Variants in PLCG1 observed in about 807,000 individuals in gnomAD.
The protein encoded by PLCG1 is phospholipase C gamma 1.
PLCG1 carries 71 observed loss-of-function variants against 177.8 expected under a neutral mutation model. That is an observed-to-expected ratio of 0.40 (90% CI 0.33 to 0.49). The LOEUF is 0.49. Ranked by LOEUF, PLCG1 falls within the 20% of genes least tolerant of loss-of-function variation. The probability of loss-of-function intolerance (pLI) is 0.72; values close to 1 mark genes in which losing one functional copy is unlikely to be tolerated. For synonymous variants in PLCG1, 658 were observed against 647.9 expected, an observed-to-expected ratio of 1.02 and a Z score of -0.24; for missense variants, 1,281 against 1,709.0, an observed-to-expected ratio of 0.75 and a Z score of 4.42.
chr20:41,149,033 C>T (rs1239679243), intron 1 of PLCG1, among the ~76,000 whole-genome samples: 1 of 152,160 alleles, frequency 6.6e-6, no homozygotes, highest in Non-Finnish European at 1.5e-5. Flanking sequence ...CAGTTTTTAT[C>T]GTTGTAAGGC....
At position 41,141,815 on chromosome 20, in the gene PLCG1, A is replaced by T. The variant is rs572309130; in HGVS notation, c.217+3957A>T. ...AGGAAAAGGGCCTGCTTCACAGATA[A>T]CTGGAGGAGCTGAGCACACCCAGTC... On this transcript the variant is annotated intron_variant, in intron 1 of 31. Coordinates refer to ENST00000685551, the MANE Select transcript of PLCG1 (RefSeq NM_002660.3). 3.3e-5 allele frequency among the ~76,000 whole-genome samples: 5 copies of T among 152,254 alleles called. No homozygotes were observed. The East Asian group carries it at 9.7e-4, about 29-fold the overall frequency.
At chr20:41,155,037 G>A (rs2035276865) in intron 1 of PLCG1, among the ~76,000 whole-genome samples, 1 of 152,240 alleles carries the variant, frequency 6.6e-6, no homozygotes, top group South Asian at 2.1e-4. Flanking sequence ...AATCTCTGTG[G>A]TCTCAGGCCA....
intron 1 of PLCG1, among the ~76,000 whole-genome samples, chr20:41,139,943 G>A (rs781460775): frequency 6.6e-6 from 1 of 152,194 alleles, no homozygotes; most frequent in Non-Finnish European, 1.5e-5. Flanking sequence ...GAAAGTGTTT[G>A]CAGTTGTGCA....
Position 41,172,900 on chromosome 20 carries a change from T to C in PLCG1, c.3279+23T>C. ...GAGGTGGGTGCTGCTCATCTGGGCT[T>C]CAGGGTAGGAAAGGGGCTGCTTGCC... On this transcript the variant is annotated intron_variant, in intron 27 of 31. Transcript: ENST00000685551. This position sits in a 1 kb window ranked among gnomAD's most constrained non-coding sequence, Gnocchi z 7.0. The C allele has an allele frequency of 1.2e-6, 2 of 1,610,150 alleles. No individual in the cohort carries two copies. Among genetic ancestry groups the C allele is most frequent in the Non-Finnish European group, 1.7e-6 (2 of 1,177,378 alleles).
At chr20:41,140,095 C>T (rs1300256928) in intron 1 of PLCG1, among the ~76,000 whole-genome samples, 1 of 152,170 alleles carries the variant, frequency 6.6e-6, no homozygotes, top group East Asian at 1.9e-4. Flanking sequence ...TAACCCCCTA[C>T]CCAGGGGTGA....
chr20:41,137,967 G>A lies in PLCG1; in HGVS notation c.217+109G>A. ...GCCCCAGCGACTTGGGCAAACTTTCGGGCCCTCCCAGACTCCCTCCGGGCC... is the reference window on the plus strand; with the variant it reads ...GCCCCAGCGACTTGGGCAAACTTTCAGGCCCTCCCAGACTCCCTCCGGGCC... On this transcript the variant is annotated intron_variant, in intron 1 of 31. Transcript: ENST00000685551. The surrounding 1 kb of genome is among the most constrained non-coding windows in gnomAD (Gnocchi z 7.3). 1 of 762,854 alleles carries A rather than the reference G, an allele frequency of 1.3e-6. No homozygotes were observed. Among genetic ancestry groups the A allele is most frequent in the South Asian group, 6.9e-5 (1 of 14,534 alleles). 47.3% of individuals were successfully genotyped at this position (762,854 alleles called of 1,614,324 possible). A position where few individuals can be genotyped will look rare whatever the true frequency, so the allele number is the denominator to read the frequency against.
intron 21 of PLCG1, 55 bp from the exon 22 acceptor site, chr20:41,169,024 T>A: frequency 7.1e-7 from 1 of 1,403,498 alleles, no homozygotes; most frequent in East Asian, 2.3e-5. Context: ...AAGGATACCC[T>A]CCTCATGGGA....
At chr20:41,138,269 C>A (rs1460101841) in intron 1 of PLCG1, among the ~76,000 whole-genome samples, 1 of 151,774 alleles carries the variant, frequency 6.6e-6, no homozygotes, top group Non-Finnish European at 1.5e-5. Flanking sequence ...CACTCTTTAT[C>A]CAGAAAGAGC....
chr20:41,172,500 C>T lies in PLCG1; in HGVS notation c.2985C>T (p.Ala995=). The T allele has an allele frequency of 1.2e-6, 2 of 1,614,014 alleles. No individual in the cohort carries two copies. Among genetic ancestry groups the T allele is most frequent in the South Asian group, 2.2e-5 (2 of 91,070 alleles). Residue 995 remains alanine (A), a synonymous_variant, in exon 26 of 32, where the codon GCC becomes GCT. Coordinates refer to ENST00000685551, the MANE Select transcript of PLCG1 (RefSeq NM_002660.3). This position sits in a 1 kb window ranked among gnomAD's most constrained non-coding sequence, Gnocchi z 7.0. ...AGGCTGAGAAATACGTGAACAAGGC[C>T]AAAGGCAAGAAGTTCCTTCAGTACA... is the stretch of plus-strand genomic sequence containing the variant. ...ETKAEKYVNK[A]KGKKFLQYNR...
intron 24 of PLCG1, chr20:41,170,588 A>T: frequency 3.6e-6 from 1 of 279,386 alleles, no homozygotes; most frequent in Non-Finnish European, 6.8e-6. Context: ...GGGCTGAGGC[A>T]TAGAAGGGAT....
Position 41,172,472 on chromosome 20 carries a change from C to A in PLCG1, c.2957C>A (p.Thr986Asn). 6.2e-7 allele frequency: 1 copy of A among 1,614,230 alleles called. No homozygotes were observed. The highest frequency in any genetic ancestry group is 1.1e-5 in the South Asian group (1 of 91,088). The change falls in exon 26 of 32, where the codon ACC becomes AAC. Residue 986 changes from threonine (T) to asparagine (N), a missense_variant. By Grantham distance (65) the Thr-to-Asn change is moderately conservative (BLOSUM62 0). This residue lies in a region of PLCG1 where 723 missense variants were observed against 1,030.0 expected (regional missense o/e 0.70). Coordinates refer to ENST00000685551, the MANE Select transcript of PLCG1 (RefSeq NM_002660.3). This position sits in a 1 kb window ranked among gnomAD's most constrained non-coding sequence, Gnocchi z 7.0. ...CGGGACATGTCATCCTTCCCGGAAA[C>A]CAAGGCTGAGAAATACGTGAACAAG... ...CYRDMSSFPE[T>N]KAEKYVNKAK...
chr20:41,137,655 C>A lies in PLCG1; in HGVS notation c.14C>A (p.Ala5Glu). MAGAASPCANGCGPG... is the reference protein window; with the variant it reads MAGAESPCANGCGPG... ...AGCGTCGGAGCCATGGCGGGCGCCG[C>A]GTCCCCTTGCGCCAACGGCTGCGGG... Residue 5 changes from alanine (A) to glutamate (E), a missense_variant, in exon 1 of 32, where the codon GCG becomes GAG. This residue lies in a region of PLCG1 where 374 missense variants were observed against 443.8 expected (regional missense o/e 0.84). Coordinates refer to ENST00000685551, the MANE Select transcript of PLCG1 (RefSeq NM_002660.3). This position sits in a 1 kb window ranked among gnomAD's most constrained non-coding sequence, Gnocchi z 7.3. The A allele has an allele frequency of 2.3e-6, 3 of 1,319,670 alleles. No individual in the cohort carries two copies. The highest frequency in any genetic ancestry group is 2.9e-6 in the Non-Finnish European group (3 of 1,034,748). 81.7% of individuals were successfully genotyped at this position (1,319,670 alleles called of 1,614,324 possible). A position where few individuals can be genotyped will look rare whatever the true frequency, so the allele number is the denominator to read the frequency against.
At position 41,164,862 on chromosome 20, in the gene PLCG1, C is replaced by T; in HGVS notation, c.1218-71C>T. ...CCCAGGCCCTTGGCTTCCAACAGCT[C>T]ACTGTGAGGGGCTACTTAGACCCAG... is the stretch of plus-strand genomic sequence containing the variant. On this transcript the variant is annotated intron_variant, in intron 12 of 31. Coordinates refer to ENST00000685551, the MANE Select transcript of PLCG1 (RefSeq NM_002660.3). The surrounding 1 kb of genome is among the most constrained non-coding windows in gnomAD (Gnocchi z 6.4). 6.8e-7 allele frequency: 1 copy of T among 1,477,364 alleles called. No individual in the cohort carries two copies. Among genetic ancestry groups the T allele is most frequent in the Non-Finnish European group, 9.3e-7 (1 of 1,079,584 alleles). 91.5% of individuals were successfully genotyped at this position (1,477,364 alleles called of 1,614,324 possible). A position where few individuals can be genotyped will look rare whatever the true frequency, so the allele number is the denominator to read the frequency against.
chr20:41,168,222 G>C (rs2035768606), intron 20 of PLCG1, among the ~76,000 whole-genome samples: 1 of 152,170 alleles, frequency 6.6e-6, no homozygotes, highest in Admixed American at 6.5e-5. Flanking sequence ...GAGGCACACT[G>C]GCCACTCATT....
chr20:41,174,476 A>G lies in PLCG1; in HGVS notation c.3843A>G (p.Arg1281=), dbSNP rs1336603588. 1 of 1,588,322 alleles carries G rather than the reference A, an allele frequency of 6.3e-7. No homozygotes were observed. The highest frequency in any genetic ancestry group is 2.3e-5 in the East Asian group (1 of 43,946). The stretch of plus-strand genomic sequence containing the variant: ...CTTCCCTTCTGTCCAGGGCCCCAAG[A>G]AGGACTCGGGTCAATGGAGACAACC... ...HFDSRERRAP[R]RTRVNGDNRL is the part of the protein sequence containing the mutation. Residue 1281 remains arginine (R), a synonymous_variant, in exon 32 of 32, where the codon AGA becomes AGG. Coordinates refer to ENST00000685551, the MANE Select transcript of PLCG1 (RefSeq NM_002660.3). This position sits in a 1 kb window ranked among gnomAD's most constrained non-coding sequence, Gnocchi z 5.8.
chr20:41,170,218 G>T lies in PLCG1; in HGVS notation c.2757G>T (p.Leu919=), dbSNP rs1364941039. ...TTGCTGCCGACTCACAGGAGGAGCT[G>T]CAGGACTGGGTGAAAAAGATCCGTG... ...LDVAADSQEE[L]QDWVKKIREV... Residue 919 remains leucine (L), a synonymous_variant, in exon 24 of 32, where the codon CTG becomes CTT. Transcript: ENST00000685551. 6.2e-7 allele frequency: 1 copy of T among 1,614,164 alleles called. No individual in the cohort carries two copies. Among genetic ancestry groups the T allele is most frequent in the Non-Finnish European group, 8.5e-7 (1 of 1,180,006 alleles).
rs146184925 is a variant in PLCG1, at chr20:41,174,964, C to T, written c.*455C>T. On this transcript the variant is annotated 3_prime_UTR_variant, in exon 32 of 32. Coordinates refer to ENST00000685551, the MANE Select transcript of PLCG1 (RefSeq NM_002660.3). This position sits in a 1 kb window ranked among gnomAD's most constrained non-coding sequence, Gnocchi z 5.8. ...CTGTAGCTTTAAAACCACAGCTGGG[C>T]AGGGTGAGAAGCTAGATGCCCCTGC... The T allele has an allele frequency of 5.3e-5, 9 of 170,734 alleles. No individual in the cohort carries two copies. In the East Asian group the frequency reaches 1.5e-3, roughly 29 times the overall value. The allele number at this position is 170,734 out of a possible 1,614,324, so 10.6% of individuals were successfully genotyped here.
intron 4 of PLCG1, chr20:41,162,235 G>GTTTTTTTTTTTTTTTTTTTTTTTTTTCT (rs11426520): frequency 7.0e-6 from 1 of 143,516 alleles, no homozygotes; most frequent in African/African-American, 4.1e-5. Flanking sequence ...TTTTGTTTTT[G>GTTTTTTTTTTTTTTTTTTTTTTTTTTCT]TTTTTTTTTT....
At chr20:41,162,331 T>A in intron 4 of PLCG1, 121 bp from the exon 5 acceptor site, 2 of 479,292 alleles carry the variant, frequency 4.2e-6, no homozygotes, top group Non-Finnish European at 7.8e-6. Flanking sequence ...AGTCTTGCCC[T>A]CAGGCCTCCA....
Sources: allele counts gnomAD v4.1 joint callset (sites outside exome capture counted in the v4.1 genomes callset), GRCh38; gene constraint gnomAD v4.1.1; regional missense constraint gnomAD v4.1.1; non-coding constraint Gnocchi (gnomAD v3.1); transcripts MANE v1.5; gene names NCBI Gene and HGNC (gene_info 2026-07-23, HGNC 2026-07-21).